GALM: variants seen among roughly 807,000 people sequenced by gnomAD.
GALM encodes the protein galactose mutarotase.
A neutral mutation model predicts 37.4 loss-of-function variants in GALM; 43 were observed. That is an observed-to-expected ratio of 1.15 (90% confidence interval 0.90 to 1.48). The LOEUF (loss-of-function observed/expected upper bound fraction) is 1.48. Among genes scored for constraint, GALM ranks in the 40% most tolerant of loss-of-function variants. The pLI is 0.00. For synonymous variants in GALM, 199 were observed against 170.6 expected (o/e 1.17, Z -1.30); for missense variants, 456 against 419.1 (o/e 1.09, Z -0.77).
At chr2:38,681,250 C>G in intron 2 of GALM, 30 bp from the exon 3 acceptor site, 1 of 1,574,484 alleles carries the variant, frequency 6.4e-7, no homozygotes, top group South Asian at 1.1e-5. Context: ...GATGGAGCAA[C>G]TACACAACTT....
chr2:38,729,828 A>C, intron 5 of GALM, 131 bp downstream of exon 5: 1 of 712,076 alleles, frequency 1.4e-6, no homozygotes, highest in Non-Finnish European at 2.3e-6. Flanking sequence ...CACATCCCAT[A>C]TTTTCTCAAA....
intron 1 of GALM, chr2:38,668,803 A>AT (rs1231029702): frequency 1.3e-5 from 2 of 150,712 alleles, no homozygotes; most frequent in African/African-American, 5.0e-5. Flanking sequence ...ATAAATTTAA[A>AT]TTTAAAAAAA....
chr2:38,732,707 G>T (rs1457539405), intron 6 of GALM, among the ~76,000 whole-genome samples: 1 of 151,594 alleles, frequency 6.6e-6, no homozygotes, highest in African/African-American at 2.4e-5. Context: ...GATTGCTTGA[G>T]CCTGAGATTG....
At chr2:38,689,789 C>T (rs898642640) in intron 3 of GALM, 24 bp from the exon 4 acceptor site, 1 of 1,408,618 alleles carries the variant, frequency 7.1e-7, no homozygotes, top group African/African-American at 1.4e-5. Flanking sequence ...AGCAGAAAAC[C>T]TTTCCCCTAC....
At chr2:38,677,292 A>G (rs1665281158) in intron 2 of GALM, among the ~76,000 whole-genome samples, 1 of 152,218 alleles carries the variant, frequency 6.6e-6, no homozygotes, top group Non-Finnish European at 1.5e-5. Context: ...CAGAGAAGAC[A>G]GGAACATGTA....
intron 4 of GALM, among the ~76,000 whole-genome samples, chr2:38,721,391 A>T (rs1055966003): frequency 7.9e-5 from 12 of 151,720 alleles, no homozygotes; most frequent in African/African-American, 2.9e-4. Context: ...ACCCTCATGA[A>T]CTCTCTTTGT....
intron 3 of GALM, among the ~76,000 whole-genome samples, chr2:38,687,169 C>T (rs570964035): frequency 6.6e-6 from 1 of 152,322 alleles, no homozygotes; most frequent in Admixed American, 6.5e-5. Flanking sequence ...GGGGCATCTC[C>T]AGGTGCTGGC....
chr2:38,710,965 G>C (rs1303568714), intron 4 of GALM, among the ~76,000 whole-genome samples: 3 of 151,720 alleles, frequency 2.0e-5, no homozygotes, highest in African/African-American at 7.3e-5. Context: ...TCTTGACCAG[G>C]CTGGTCTTGA....
intron 1 of GALM, 66 bp from the exon 2 acceptor site, chr2:38,675,846 G>A: frequency 6.7e-7 from 1 of 1,496,598 alleles, no homozygotes. Context: ...TGGGATTACA[G>A]GTGTGAGCCA....
chr2:38,713,503 G>A (rs1157508490), intron 4 of GALM, among the ~76,000 whole-genome samples: 3 of 152,188 alleles, frequency 2.0e-5, no homozygotes, highest in African/African-American at 7.2e-5. Flanking sequence ...AACGGGAAGT[G>A]TCTCAAACCT....
At chr2:38,671,432 C>G (rs1425333672) in intron 1 of GALM, 1 of 152,148 alleles carries the variant, frequency 6.6e-6, no homozygotes, top group Non-Finnish European at 1.5e-5. Context: ...AGATCTTACA[C>G]GGCAGTAGGA....
At chr2:38,723,283 T>A (rs1666420719) in intron 4 of GALM, among the ~76,000 whole-genome samples, 1 of 152,202 alleles carries the variant, frequency 6.6e-6, no homozygotes, top group Non-Finnish European at 1.5e-5. Flanking sequence ...ACATAGCACC[T>A]GCTCCAAGAA....
intron 4 of GALM, among the ~76,000 whole-genome samples, chr2:38,708,080 AT>A (rs1666076615): frequency 6.7e-6 from 1 of 149,406 alleles, no homozygotes; most frequent in Non-Finnish European, 1.5e-5. Context: ...GCACTCCAGC[AT>A]GGGCAACAGA....
chr2:38,676,266 G>A (rs1455411229), intron 2 of GALM, among the ~76,000 whole-genome samples, 200 bp downstream of exon 2: 6 of 152,072 alleles, frequency 3.9e-5, no homozygotes, highest in Non-Finnish European at 8.8e-5. Flanking sequence ...AACAGACAGG[G>A]GAGCCCCAAG....
At chr2:38,726,468 C>T (rs888039027) in intron 4 of GALM, among the ~76,000 whole-genome samples, 2 of 151,850 alleles carry the variant, frequency 1.3e-5, no homozygotes, top group Non-Finnish European at 2.9e-5. Context: ...CCTCGTGATC[C>T]GCCCGCCTCG....
rs2148461680 is a variant in GALM at position 38,733,469 on chromosome 2, T to C, written c.952-19T>C. 1 of 1,607,150 alleles carries C rather than the reference T, an allele frequency of 6.2e-7. No individual in the cohort carries two copies. Reference sequence around the variant, plus strand: ...AGCCTGCGGTGTCAAGCATCACCTGTGTTGTTTCCCCTTCACAGCCCCGCT... The same window carrying C: ...AGCCTGCGGTGTCAAGCATCACCTGCGTTGTTTCCCCTTCACAGCCCCGCT... On this transcript the variant is annotated intron_variant, in intron 6 of 6. Coordinates refer to ENST00000272252, the MANE Select transcript of GALM (RefSeq NM_138801.3).
intron 4 of GALM, among the ~76,000 whole-genome samples, chr2:38,722,357 A>C (rs1666400639): frequency 6.6e-6 from 1 of 152,010 alleles, no homozygotes; most frequent in African/African-American, 2.4e-5. Flanking sequence ...ATTTATGAAA[A>C]CAACCTCTAG....
chr2:38,733,738 T>G lies in GALM; in HGVS notation c.*173T>G. ...TTGATTTCCTTTTCCAGTGACTGGC[T>G]CCAGGCCATGTCTAATGACCAGCTC... On this transcript the variant is annotated 3_prime_UTR_variant, in exon 7 of 7. Transcript: ENST00000272252. 1 of 619,484 alleles carries G rather than the reference T, an allele frequency of 1.6e-6. No individual in the cohort carries two copies. Among genetic ancestry groups the G allele is most frequent in the Non-Finnish European group, 3.0e-6 (1 of 338,280 alleles). The allele number at this position is 619,484 out of a possible 1,614,324, so 38.4% of individuals were successfully genotyped here.
intron 4 of GALM, among the ~76,000 whole-genome samples, chr2:38,710,021 G>T (rs1051291320): frequency 6.6e-6 from 1 of 152,168 alleles, no homozygotes; most frequent in Non-Finnish European, 1.5e-5. Context: ...CTAGCACCAC[G>T]TGCTCTTCCT....
Sources: allele counts gnomAD v4.1 joint callset (sites outside exome capture counted in the v4.1 genomes callset), GRCh38; gene constraint gnomAD v4.1.1; transcripts MANE v1.5; gene names NCBI Gene and HGNC (gene_info 2026-07-23, HGNC 2026-07-21).